PTPN14: variants seen among roughly 807,000 people sequenced by gnomAD.
PTPN14 encodes tyrosine-protein phosphatase non-receptor type 14.
PTPN14 carries 53 observed loss-of-function variants against 126.8 expected under a neutral mutation model. The observed-to-expected ratio is 0.42, with a 90% confidence interval of 0.34 to 0.53. The LOEUF (loss-of-function observed/expected upper bound fraction) is 0.53. PTPN14 is among the 20% of genes least tolerant of loss of function. PTPN14 has a pLI of 0.08. For missense variants in PTPN14, 1,257 were observed against 1,552.9 expected (o/e 0.81, Z 3.20); for synonymous variants, 630 against 599.3 (o/e 1.05, Z -0.75).
intron 16 of PTPN14, among the ~76,000 whole-genome samples, chr1:214,371,161 C>T (rs971917126): frequency 5.9e-5 from 9 of 152,130 alleles, no homozygotes; most frequent in African/African-American, 9.7e-5. Flanking sequence ...CTTGTCACTC[C>T]GGTCTCACCT....
chr1:214,421,530 T>C (rs1351879207), intron 3 of PTPN14, among the ~76,000 whole-genome samples: 1 of 151,582 alleles, frequency 6.6e-6, no homozygotes, highest in African/African-American at 2.4e-5. Flanking sequence ...CTCAGCACCA[T>C]AAGAAAGGGT....
At chr1:214,414,199 T>G (rs949727544) in intron 4 of PTPN14, among the ~76,000 whole-genome samples, 3 of 152,220 alleles carry the variant, frequency 2.0e-5, no homozygotes, top group Non-Finnish European at 4.4e-5. Flanking sequence ...TAAATCTACC[T>G]CTTTAATTGC....
chr1:214,423,055 G>T lies in PTPN14; in HGVS notation c.345-8329C>A, dbSNP rs146015243. ...TGTCTGTCATCTCAGCACTTTGAGG[G>T]GCTGAGGTGAGGAGATCGCTTCAGC... On this transcript the variant is annotated intron_variant, in intron 3 of 18. Transcript: ENST00000366956. Among the ~76,000 whole-genome samples, 121 of 152,174 alleles carry T rather than the reference G, an allele frequency of 8.0e-4. 1 individual carries two copies. Among genetic ancestry groups the T allele is most frequent in the Non-Finnish European group, 1.6e-3 (109 of 68,004 alleles).
At chr1:214,368,196 T>TTTTTTTTATTTA (rs1553258933) in intron 17 of PTPN14, among the ~76,000 whole-genome samples, 1 of 146,236 alleles carries the variant, frequency 6.8e-6, no homozygotes, top group African/African-American at 2.5e-5. Flanking sequence ...TGTTATTCGT[T>TTTTTTTTATTTA]TTTATTTATT....
At position 214,368,364 on chromosome 1, in the gene PTPN14, G is replaced by A. The variant is rs540039948; in HGVS notation, c.3271+1093C>T. Among the ~76,000 whole-genome samples, 5 of 152,082 alleles carry A rather than the reference G, an allele frequency of 3.3e-5. No homozygotes were observed. In the South Asian group the frequency reaches 8.3e-4, roughly 25 times the overall value. On this transcript the variant is annotated intron_variant, in intron 17 of 18. Transcript: ENST00000366956. ...TTACAGACATGCGCCACCACACCTGGCTAATTTTGTATTTTTAGTAGAGAT... is the reference window on the plus strand; with the variant it reads ...TTACAGACATGCGCCACCACACCTGACTAATTTTGTATTTTTAGTAGAGAT...
rs769091628 is a variant in PTPN14, at chr1:214,383,881, G to A, written c.1974C>T (p.Leu658=). ...SMVRGMEAMT[L]KSLHLPMARR... ...GAGCCATGGGGAGGTGGAGCGACTT[G>A]AGCGTCATGGCCTCCATGCCCCGCA... Residue 658 remains leucine, a synonymous_variant, in exon 13 of 19, where the codon CTC becomes CTT. Coordinates refer to ENST00000366956, the MANE Select transcript of PTPN14 (RefSeq NM_005401.5). The surrounding 1 kb of genome is among the most constrained non-coding windows in gnomAD (Gnocchi z 4.4). 1.2e-6 allele frequency: 2 copies of A among 1,613,156 alleles called. No homozygotes were observed. The highest frequency in any genetic ancestry group is 1.7e-6 in the Non-Finnish European group (2 of 1,179,990).
At chr1:214,494,204 G>A (rs539731719) in intron 1 of PTPN14, among the ~76,000 whole-genome samples, 73 of 152,254 alleles carry the variant, frequency 4.8e-4, no homozygotes, top group African/African-American at 1.8e-3. Flanking sequence ...CAGAGTAGCT[G>A]GGACTACAGG....
In PTPN14 at chr1:214,536,062, G is replaced by C. The variant is rs147287002; in HGVS notation, c.-155+15121C>G. Among the ~76,000 whole-genome samples, 634 of 147,608 alleles carry C rather than the reference G, an allele frequency of 4.3e-3. 4 individuals carry two copies. Among genetic ancestry groups the C allele is most frequent in the African/African-American group, 0.015 (606 of 40,056 alleles). On this transcript the variant is annotated intron_variant, in intron 1 of 18. Transcript: ENST00000366956. ...ACTATCATCTTCTATGCGATAGCAA[G>C]AAATGTAAAATGTGCATGCTTTCAA...
rs560212644 is a variant in PTPN14, at chr1:214,419,502, G to C, written c.345-4776C>G. On this transcript the variant is annotated intron_variant, in intron 3 of 18. Transcript: ENST00000366956. ...TCCTGTCACTGTTATGAAGAGCAGG[G>C]TAAGACTTAAAATGTGCTTTCCTCA... 5.3e-5 allele frequency among the ~76,000 whole-genome samples: 8 copies of C among 152,270 alleles called. No individual in the cohort carries two copies. The South Asian group carries it at 1.5e-3, about 28-fold the overall frequency.
At chr1:214,543,581 C>T (rs1221400314) in intron 1 of PTPN14, among the ~76,000 whole-genome samples, 3 of 151,936 alleles carry the variant, frequency 2.0e-5, no homozygotes, top group Non-Finnish European at 4.4e-5. Flanking sequence ...CTAGGCTGAG[C>T]TCTTATCCCT....
chr1:214,417,959 G>A (rs951805746), intron 3 of PTPN14, among the ~76,000 whole-genome samples: 21 of 152,204 alleles, frequency 1.4e-4, no homozygotes, highest in African/African-American at 4.6e-4. Flanking sequence ...CATGCTCAGC[G>A]TAAGTCACAG....
At chr1:214,396,274 G>A (rs1182459750) in intron 8 of PTPN14, among the ~76,000 whole-genome samples, 1 of 152,182 alleles carries the variant, frequency 6.6e-6, no homozygotes, top group Admixed American at 6.5e-5. Flanking sequence ...TACTCTCTAT[G>A]TCAAGGATGG....
At chr1:214,388,073 C>T (rs1366718264) in intron 11 of PTPN14, among the ~76,000 whole-genome samples, 1 of 151,768 alleles carries the variant, frequency 6.6e-6, no homozygotes, top group Non-Finnish European at 1.5e-5. Context: ...CTTCATGCTG[C>T]GGAAGAGGGA....
At chr1:214,523,850 CTTTT>C (rs1286518641) in intron 1 of PTPN14, among the ~76,000 whole-genome samples, 1 of 134,480 alleles carries the variant, frequency 7.4e-6, no homozygotes. Context: ...TAATCAGATT[CTTTT>C]TTTTTTTTTT....
intron 1 of PTPN14, among the ~76,000 whole-genome samples, chr1:214,548,526 A>G (rs1434513442): frequency 1.3e-5 from 2 of 152,232 alleles, no homozygotes; most frequent in Admixed American, 1.3e-4. Flanking sequence ...CAAAGCTCAC[A>G]GCACTGTTCT....
intron 1 of PTPN14, among the ~76,000 whole-genome samples, chr1:214,520,276 A>C (rs1655223239): frequency 1.3e-5 from 2 of 151,992 alleles, no homozygotes; most frequent in South Asian, 4.2e-4. Context: ...TTTTCTTTTG[A>C]TTCTCTACAA....
chr1:214,449,031 G>T, intron 3 of PTPN14, among the ~76,000 whole-genome samples: 1 of 41,956 alleles, frequency 2.4e-5, no homozygotes, highest in Admixed American at 2.5e-4. Flanking sequence ...TTTTGAGACG[G>T]AGTCTCACTC....
At chr1:214,367,739 A>G (rs1307093967) in intron 17 of PTPN14, among the ~76,000 whole-genome samples, 3 of 152,126 alleles carry the variant, frequency 2.0e-5, no homozygotes, top group African/African-American at 7.2e-5. Flanking sequence ...GTGGAAAGCA[A>G]GAGGGAGAGC....
chr1:214,545,781 G>A (rs144765900), intron 1 of PTPN14, among the ~76,000 whole-genome samples: 1 of 152,284 alleles, frequency 6.6e-6, no homozygotes, highest in African/African-American at 2.4e-5. Flanking sequence ...CACTGAGATA[G>A]GTAATTTGGA....
Sources: gnomAD v4.1 joint callset for allele counts (sites outside exome capture counted in the v4.1 genomes callset) on GRCh38, gnomAD v4.1.1 for gene constraint, Gnocchi (gnomAD v3.1) non-coding constraint, MANE v1.5 for transcripts, NCBI Gene and HGNC (gene_info 2026-07-23, HGNC 2026-07-21) for gene names.